The following MACROD2 variants were observed in gnomAD, a reference collection of about 807,000 sequenced individuals.
MACROD2 encodes ADP-ribose glycohydrolase MACROD2.
In MACROD2, 36 loss-of-function variants were observed where a neutral mutation model predicts 70.4. The observed-to-expected ratio is 0.51, with a 90% confidence interval of 0.39 to 0.68. The LOEUF (loss-of-function observed/expected upper bound fraction) is 0.68, where lower values mean the gene tolerates loss of function less well. MACROD2 is among the 30% of genes least tolerant of loss of function. The pLI is 0.00. For synonymous variants in MACROD2, 172 were observed against 178.8 expected (o/e 0.96, Z 0.30); for missense variants, 496 against 538.4 (o/e 0.92, Z 0.78).
intron 6 of MACROD2, among the ~76,000 whole-genome samples, chr20:15,367,296 G>T (rs2045424940): frequency 6.6e-6 from 1 of 152,116 alleles, no homozygotes; most frequent in Non-Finnish European, 1.5e-5. Flanking sequence ...AAAGTGCTGG[G>T]ATTACAGGCG....
chr20:15,733,921 C>T (rs1407103439), intron 8 of MACROD2, among the ~76,000 whole-genome samples: 1 of 152,150 alleles, frequency 6.6e-6, no homozygotes, highest in Non-Finnish European at 1.5e-5. Context: ...GGATGATGAA[C>T]AGGACACAAT....
chr20:15,911,582 A>G (rs961852532), intron 10 of MACROD2, among the ~76,000 whole-genome samples: 1 of 152,198 alleles, frequency 6.6e-6, no homozygotes, highest in East Asian at 1.9e-4. Context: ...AGCCAGGATA[A>G]ATGTGAAGGA....
At chr20:14,355,778 ATT>A (rs1210292149) in intron 3 of MACROD2, among the ~76,000 whole-genome samples, 2 of 152,174 alleles carry the variant, frequency 1.3e-5, no homozygotes, top group African/African-American at 4.8e-5. Context: ...GATAATATAT[ATT>A]GTTTTCACTA....
chr20:15,860,475 G>A (rs1487261749), intron 8 of MACROD2, among the ~76,000 whole-genome samples: 10 of 152,216 alleles, frequency 6.6e-5, no homozygotes, highest in Admixed American at 5.2e-4. Flanking sequence ...GAATAATTAC[G>A]ATCTTTGGAA....
At chr20:14,186,345 G>A (rs1209677464) in intron 3 of MACROD2, among the ~76,000 whole-genome samples, 1 of 151,958 alleles carries the variant, frequency 6.6e-6, no homozygotes, top group African/African-American at 2.4e-5. Context: ...CAAAAAAATA[G>A]ATGAAAAAAT....
chr20:15,107,533 C>G (rs916525656), intron 5 of MACROD2, among the ~76,000 whole-genome samples: 29 of 151,454 alleles, frequency 1.9e-4, no homozygotes, highest in African/African-American at 6.8e-4. Context: ...TACTCATCGT[C>G]TTTATGCTTC....
chr20:15,525,536 G>C (rs905486308), intron 8 of MACROD2, among the ~76,000 whole-genome samples: 1 of 152,214 alleles, frequency 6.6e-6, no homozygotes, highest in East Asian at 1.9e-4. Context: ...CAAGGTCCCT[G>C]TTCCTTTCAC....
intron 8 of MACROD2, among the ~76,000 whole-genome samples, chr20:15,509,139 G>A (rs1233762): frequency 0.84 from 128,566 of 152,202 alleles, 54,658 homozygotes; most frequent in East Asian, 0.99. Context: ...ACATCCTTCA[G>A]ATGTGTTGGC....
chr20:14,204,386 G>A (rs767856295), intron 3 of MACROD2, among the ~76,000 whole-genome samples: 1 of 152,188 alleles, frequency 6.6e-6, no homozygotes. Flanking sequence ...CCAGAGATGT[G>A]GAGATGCAGG....
At chr20:15,357,918 T>A (rs2078307162) in intron 6 of MACROD2, among the ~76,000 whole-genome samples, 1 of 151,588 alleles carries the variant, frequency 6.6e-6, no homozygotes, top group Non-Finnish European at 1.5e-5. Flanking sequence ...GCCATTCTCC[T>A]GCCTCAGCCT....
intron 10 of MACROD2, chr20:15,892,944 G>A: frequency 2.5e-6 from 1 of 398,822 alleles, no homozygotes; most frequent in Non-Finnish European, 4.4e-6. Flanking sequence ...AGAGCCAAAA[G>A]GCCTCTCTCC....
intron 2 of MACROD2, among the ~76,000 whole-genome samples, chr20:14,083,480 A>G (rs1240430662): frequency 6.6e-6 from 1 of 152,130 alleles, no homozygotes; most frequent in Admixed American, 6.5e-5. Context: ...AAACATTCTA[A>G]GTGTAATGAA....
intron 3 of MACROD2, among the ~76,000 whole-genome samples, chr20:14,235,746 A>C (rs1004921012): frequency 6.6e-6 from 1 of 152,082 alleles, no homozygotes; most frequent in African/African-American, 2.4e-5. Context: ...TTTCCTTTCA[A>C]ACTGAAGCAC....
Position 14,425,739 on chromosome 20 carries a change from C to T in MACROD2, c.272-67740C>T, listed in dbSNP as rs530646600. On this transcript the variant is annotated intron_variant, in intron 3 of 17. Coordinates refer to ENST00000684519, the MANE Select transcript of MACROD2 (RefSeq NM_001351661.2). ...TCATCATCCTGGCCTGTCCCCTCAC[C>T]GTTACCCTGGGGACTCTTCGCATCT... Among the ~76,000 whole-genome samples, 15 of 152,250 alleles carry T rather than the reference C, an allele frequency of 9.9e-5. 1 individual carries two copies. The South Asian group carries it at 1.9e-3, about 19-fold the overall frequency.
chr20:15,334,308 TG>T (rs2078025060), intron 6 of MACROD2, among the ~76,000 whole-genome samples: 1 of 128,748 alleles, frequency 7.8e-6, no homozygotes, highest in Non-Finnish European at 1.7e-5. Flanking sequence ...AGAGTTCCAT[TG>T]GCCAATAAGA....
intron 12 of MACROD2, among the ~76,000 whole-genome samples, chr20:15,938,319 G>A (rs2065697760): frequency 6.6e-6 from 1 of 152,090 alleles, no homozygotes; most frequent in South Asian, 2.1e-4. Flanking sequence ...ACAAATTGAA[G>A]TTTTGTGGGA....
chr20:14,473,851 G>A (rs1342298795), intron 3 of MACROD2, among the ~76,000 whole-genome samples: 1 of 152,100 alleles, frequency 6.6e-6, no homozygotes, highest in Non-Finnish European at 1.5e-5. Flanking sequence ...TCTAACTGGA[G>A]TGAGATGATG....
At chr20:14,802,769 TACAC>T (rs1289331259) in intron 5 of MACROD2, among the ~76,000 whole-genome samples, 1 of 56,764 alleles carries the variant, frequency 1.8e-5, no homozygotes, top group Admixed American at 1.4e-4. Context: ...AGCACACACA[TACAC>T]ACATACACAC....
chr20:14,982,492 G>T (rs901890637), intron 5 of MACROD2, among the ~76,000 whole-genome samples: 2 of 152,116 alleles, frequency 1.3e-5, no homozygotes, highest in Non-Finnish European at 2.9e-5. Flanking sequence ...AGGAAAAAAT[G>T]GTTTAATGGG....
Sources: allele counts gnomAD v4.1 joint callset (sites outside exome capture counted in the v4.1 genomes callset), GRCh38; gene constraint gnomAD v4.1.1; transcripts MANE v1.5; gene names NCBI Gene and HGNC (gene_info 2026-07-23, HGNC 2026-07-21).